MRPL48: variants seen among roughly 807,000 people sequenced by gnomAD.
The protein encoded by MRPL48 is mitochondrial ribosomal protein L48, also known as large ribosomal subunit protein mL48.
MRPL48 carries 16 observed loss-of-function variants against 32.9 expected under a neutral mutation model. The observed-to-expected ratio is 0.49, with a 90% CI of 0.33 to 0.74. The LOEUF is 0.74. Ranked by LOEUF, MRPL48 falls within the 30% of genes least tolerant of loss-of-function variation. The pLI, the probability that MRPL48 is intolerant of heterozygous loss-of-function variation, is 0.02. For missense variants in MRPL48, 206 were observed against 245.3 expected (o/e 0.84, Z 1.07); for synonymous variants, 94 against 89.2 (o/e 1.05, Z -0.31).
chr11:73,810,170 A>G (rs1484525903), intron 3 of MRPL48, among the ~76,000 whole-genome samples: 9 of 152,230 alleles, frequency 5.9e-5, no homozygotes, highest in Non-Finnish European at 1.2e-4. Flanking sequence ...TTAGCTTCTT[A>G]AAAATCAGAC....
At chr11:73,794,747 CTTT>C (rs1356375156) in intron 1 of MRPL48, among the ~76,000 whole-genome samples, 4 of 134,890 alleles carry the variant, frequency 3.0e-5, no homozygotes, top group African/African-American at 2.8e-5. Flanking sequence ...TACTTCTTTT[CTTT>C]TTTTTTTTTT....
intron 4 of MRPL48, among the ~76,000 whole-genome samples, chr11:73,831,013 T>C (rs1947983545): frequency 6.6e-6 from 1 of 152,024 alleles, no homozygotes; most frequent in African/African-American, 2.4e-5. Flanking sequence ...GTAATTTTTG[T>C]ATTTTTAGTA....
intron 4 of MRPL48, among the ~76,000 whole-genome samples, chr11:73,841,806 A>G (rs1180683283): frequency 2.0e-5 from 3 of 152,190 alleles, no homozygotes; most frequent in Non-Finnish European, 4.4e-5. Flanking sequence ...TTAAAATTCT[A>G]ATTTTAGATT....
At chr11:73,812,872 C>T (rs889574184) in intron 3 of MRPL48, among the ~76,000 whole-genome samples, 16 of 151,292 alleles carry the variant, frequency 1.1e-4, no homozygotes, top group African/African-American at 3.6e-4. Context: ...GCCTCAGCCT[C>T]CCAAGTAGAT....
At chr11:73,807,388 CT>C (rs34790215) in intron 2 of MRPL48, among the ~76,000 whole-genome samples, 17 of 147,456 alleles carry the variant, frequency 1.2e-4, no homozygotes, top group Admixed American at 2.7e-4. Context: ...CTTCCATCTT[CT>C]TTTTTTTTTT....
At chr11:73,854,983 A>G (rs1016380643) in intron 5 of MRPL48, among the ~76,000 whole-genome samples, 2 of 152,162 alleles carry the variant, frequency 1.3e-5, no homozygotes, top group Non-Finnish European at 2.9e-5. Flanking sequence ...CAACTGTAAA[A>G]TGGGGTTACT....
intron 4 of MRPL48, chr11:73,842,645 A>G (rs12794243): frequency 0.055 from 8,370 of 151,912 alleles, 255 homozygotes; most frequent in Middle Eastern, 0.1. Context: ...GCTAATTTTC[A>G]TATTTTTAGT....
At chr11:73,842,515 C>G (rs939636754) in intron 4 of MRPL48, 1 of 152,096 alleles carries the variant, frequency 6.6e-6, no homozygotes, top group Non-Finnish European at 1.5e-5. Flanking sequence ...TTCTGTCGCT[C>G]AGGTTCGAGT....
At position 73,790,670 on chromosome 11, in the gene MRPL48, A is replaced by C. The variant is rs555991890; in HGVS notation, c.21+2678A>C. 3.4e-3 allele frequency among the ~76,000 whole-genome samples: 508 copies of C among 150,924 alleles called. 3 individuals carry two copies. Among genetic ancestry groups the C allele is most frequent in the Non-Finnish European group, 5.3e-3 (358 of 67,674 alleles). On this transcript the variant is annotated intron_variant, in intron 1 of 7. Coordinates refer to ENST00000310614, the MANE Select transcript of MRPL48 (RefSeq NM_016055.6). ...AAGTGCTGGGATTACAGGCTTGAGC[A>C]ACCGTGCCTGGCCGCTCAGCTAATT... is the stretch of plus-strand genomic sequence containing the variant.
intron 2 of MRPL48, among the ~76,000 whole-genome samples, chr11:73,806,775 A>C (rs1456151753): frequency 6.6e-6 from 1 of 152,102 alleles, no homozygotes; most frequent in East Asian, 1.9e-4. Context: ...TGTTGTTTTA[A>C]TATGATGGAG....
intron 7 of MRPL48, 85 bp from the exon 8 acceptor site, chr11:73,864,211 A>C: frequency 3.4e-6 from 4 of 1,174,646 alleles, no homozygotes; most frequent in Non-Finnish European, 4.9e-6. Flanking sequence ...GAGCTGGTTC[A>C]AGGGCCCTTT....
At chr11:73,815,896 T>TA (rs1163171741) in intron 3 of MRPL48, among the ~76,000 whole-genome samples, 7 of 151,316 alleles carry the variant, frequency 4.6e-5, no homozygotes, top group South Asian at 2.1e-4. Context: ...ACTTTTATTT[T>TA]TTTTTTTTTT....
intron 3 of MRPL48, among the ~76,000 whole-genome samples, chr11:73,817,304 C>G (rs1202435304): frequency 1.3e-5 from 2 of 152,168 alleles, no homozygotes; most frequent in Admixed American, 6.5e-5. Flanking sequence ...GGAAACAACA[C>G]TGTGATGAAC....
intron 3 of MRPL48, among the ~76,000 whole-genome samples, chr11:73,821,252 C>T (rs1947775837): frequency 6.6e-6 from 1 of 152,104 alleles, no homozygotes; most frequent in South Asian, 2.1e-4. Context: ...GCCTCAGCCT[C>T]CCAAAGTGCA....
chr11:73,822,219 C>T (rs1947796635), intron 3 of MRPL48, among the ~76,000 whole-genome samples: 1 of 152,148 alleles, frequency 6.6e-6, no homozygotes, highest in South Asian at 2.1e-4. Context: ...ATTCCTTACA[C>T]GGTAAACTCT....
At chr11:73,847,258 A>T (rs993598736) in intron 5 of MRPL48, among the ~76,000 whole-genome samples, 29 of 152,162 alleles carry the variant, frequency 1.9e-4, no homozygotes, top group Non-Finnish European at 8.8e-5. Context: ...TTATAGTGGT[A>T]TCTCATAGTG....
chr11:73,807,774 A>G (rs1259850362), intron 2 of MRPL48, among the ~76,000 whole-genome samples: 1 of 151,272 alleles, frequency 6.6e-6, no homozygotes, highest in Admixed American at 6.6e-5. Context: ...ATTAGCTGGG[A>G]TTACAGGTGC....
intron 1 of MRPL48, 42 bp downstream of exon 1, chr11:73,788,034 G>T: frequency 1.4e-6 from 2 of 1,464,950 alleles, no homozygotes; most frequent in Non-Finnish European, 1.9e-6. Flanking sequence ...GGAGATGGCG[G>T]ACGGTGCAGA....
At chr11:73,806,805 G>A (rs1947461915) in intron 2 of MRPL48, among the ~76,000 whole-genome samples, 1 of 151,898 alleles carries the variant, frequency 6.6e-6, no homozygotes, top group Non-Finnish European at 1.5e-5. Flanking sequence ...GTTGGAATTA[G>A]GATTCAAATC....
Sources: gnomAD v4.1 joint callset for allele counts (sites outside exome capture counted in the v4.1 genomes callset) on GRCh38, gnomAD v4.1.1 for gene constraint, MANE v1.5 for transcripts, NCBI Gene and HGNC (gene_info 2026-07-23, HGNC 2026-07-21) for gene names.